Variants in NEGR1 observed in about 807,000 individuals in gnomAD.
NEGR1 encodes neuronal growth regulator 1, also known as IgLON family member 4.
In NEGR1, 10 loss-of-function variants were observed where a neutral mutation model predicts 40.9. That is an observed-to-expected ratio of 0.24 (90% CI 0.15 to 0.42). The LOEUF (loss-of-function observed/expected upper bound fraction) is 0.42. NEGR1 is among the 10% of genes least tolerant of loss of function. NEGR1 has a pLI of 1.00. For synonymous variants in NEGR1, 185 were observed against 166.8 expected (o/e 1.11, Z -0.84); for missense variants, 352 against 438.9 (o/e 0.80, Z 1.77).
chr1:71,818,264 G>T (rs1256427902), intron 2 of NEGR1, among the ~76,000 whole-genome samples: 1 of 151,898 alleles, frequency 6.6e-6, no homozygotes, highest in African/African-American at 2.4e-5. Flanking sequence ...ATTCACAATT[G>T]CAAAGACAAG....
At chr1:72,071,094 T>C (rs2100510177) in intron 1 of NEGR1, among the ~76,000 whole-genome samples, 1 of 151,964 alleles carries the variant, frequency 6.6e-6, no homozygotes, top group African/African-American at 2.4e-5. Flanking sequence ...TTCTCAAAGT[T>C]CTCATCAGCA....
chr1:71,624,131 G>A (rs551569567), intron 4 of NEGR1, among the ~76,000 whole-genome samples: 2 of 151,852 alleles, frequency 1.3e-5, no homozygotes, highest in Non-Finnish European at 2.9e-5. Context: ...ATCCTGCAAA[G>A]CTTATCTGTG....
At chr1:72,159,803 A>T (rs1207662428) in intron 1 of NEGR1, among the ~76,000 whole-genome samples, 4 of 152,184 alleles carry the variant, frequency 2.6e-5, no homozygotes, top group Non-Finnish European at 5.9e-5. Context: ...CACAAATCTT[A>T]TGTATAGAAG....
At chr1:72,174,071 T>A (rs1250839693) in intron 1 of NEGR1, among the ~76,000 whole-genome samples, 1 of 152,158 alleles carries the variant, frequency 6.6e-6, no homozygotes, top group Non-Finnish European at 1.5e-5. Flanking sequence ...AACATGGACA[T>A]CCCAATCGTT....
rs531040833 is a variant in NEGR1 at position 72,114,276 on chromosome 1, A to T, written c.176+168043T>A. Among the ~76,000 whole-genome samples the T allele has an allele frequency of 5.3e-5, 8 of 151,676 alleles. No individual in the cohort carries two copies. The South Asian group carries it at 1.5e-3, about 28-fold the overall frequency. On this transcript the variant is annotated intron_variant, in intron 1 of 6. Coordinates refer to ENST00000357731, the MANE Select transcript of NEGR1 (RefSeq NM_173808.3). ...AATGGGTTAAAGGCCTTAATAGAAC[A>T]AAGACTGATCTCCCTCCCCATCACC...
intron 1 of NEGR1, among the ~76,000 whole-genome samples, chr1:72,131,051 T>C (rs1413711722): frequency 6.6e-6 from 1 of 152,190 alleles, no homozygotes; most frequent in Non-Finnish European, 1.5e-5. Flanking sequence ...TGTAAGGTCA[T>C]ATTTATATCC....
intron 4 of NEGR1, among the ~76,000 whole-genome samples, chr1:71,652,716 T>A (rs1651757600): frequency 6.6e-6 from 1 of 151,932 alleles, no homozygotes; most frequent in Admixed American, 6.6e-5. Flanking sequence ...AATTCTAAAA[T>A]TAACCAGGTG....
At chr1:71,843,069 C>T (rs956917074) in intron 2 of NEGR1, among the ~76,000 whole-genome samples, 1 of 152,134 alleles carries the variant, frequency 6.6e-6, no homozygotes, top group African/African-American at 2.4e-5. Flanking sequence ...GTAATCATGG[C>T]ATTGCCTCAA....
intron 1 of NEGR1, among the ~76,000 whole-genome samples, chr1:71,965,618 T>C (rs1646203962): frequency 6.6e-6 from 1 of 152,202 alleles, no homozygotes; most frequent in African/African-American, 2.4e-5. Context: ...TTTGCACCTC[T>C]ACCAATTTTC....
At chr1:72,229,629 G>T (rs1654296769) in intron 1 of NEGR1, among the ~76,000 whole-genome samples, 1 of 151,008 alleles carries the variant, frequency 6.6e-6, no homozygotes, top group South Asian at 2.1e-4. Flanking sequence ...TCATGCTTAT[G>T]GTAATCAATA....
intron 2 of NEGR1, among the ~76,000 whole-genome samples, chr1:71,930,926 C>T (rs997622584): frequency 3.9e-5 from 6 of 152,154 alleles, no homozygotes; most frequent in Non-Finnish European, 5.9e-5. Flanking sequence ...GGTCTTTATA[C>T]TCCTTGCCTC....
At chr1:71,904,510 T>A (rs1418073273) in intron 2 of NEGR1, among the ~76,000 whole-genome samples, 1 of 152,128 alleles carries the variant, frequency 6.6e-6, no homozygotes, top group Non-Finnish European at 1.5e-5. Context: ...TTCCTTAAAC[T>A]TTTAAACACT....
intron 1 of NEGR1, among the ~76,000 whole-genome samples, chr1:72,122,439 C>T (rs1649838520): frequency 6.6e-6 from 1 of 151,886 alleles, no homozygotes; most frequent in African/African-American, 2.4e-5. Context: ...ATTCCCAATC[C>T]ATTTAGTAAC....
intron 2 of NEGR1, among the ~76,000 whole-genome samples, chr1:71,804,960 A>T (rs1320637160): frequency 3.3e-5 from 5 of 152,174 alleles, no homozygotes; most frequent in African/African-American, 1.2e-4. Flanking sequence ...TTTTCTCAGC[A>T]AGGAACATCC....
intron 6 of NEGR1, among the ~76,000 whole-genome samples, chr1:71,502,673 T>C (rs1647006950): frequency 6.6e-6 from 1 of 152,076 alleles, no homozygotes; most frequent in Admixed American, 6.5e-5. Flanking sequence ...CCTGAAACTG[T>C]TATTCAGGAG....
chr1:71,533,269 G>T (rs972242969), intron 6 of NEGR1, among the ~76,000 whole-genome samples: 15 of 151,546 alleles, frequency 9.9e-5, no homozygotes, highest in African/African-American at 3.4e-4. Flanking sequence ...CCTACATGTA[G>T]AATGTCTTCC....
At chr1:71,658,710 C>A (rs895695994) in intron 4 of NEGR1, among the ~76,000 whole-genome samples, 3 of 152,122 alleles carry the variant, frequency 2.0e-5, no homozygotes, top group Non-Finnish European at 4.4e-5. Context: ...AACAGAGTTT[C>A]TGAAAGTATA....
At chr1:72,046,177 T>C (rs1647000366) in intron 1 of NEGR1, among the ~76,000 whole-genome samples, 1 of 151,586 alleles carries the variant, frequency 6.6e-6, no homozygotes, top group Admixed American at 6.6e-5. Flanking sequence ...CAAATATGAA[T>C]GTCCTATAAT....
At chr1:71,456,684 A>C (rs944622212) in intron 6 of NEGR1, among the ~76,000 whole-genome samples, 2 of 152,254 alleles carry the variant, frequency 1.3e-5, no homozygotes, top group African/African-American at 4.8e-5. Flanking sequence ...TCAGACGCAA[A>C]GAAAATTCAA....
Sources: allele counts gnomAD v4.1 joint callset (sites outside exome capture counted in the v4.1 genomes callset), GRCh38; gene constraint gnomAD v4.1.1; transcripts MANE v1.5; gene names NCBI Gene and HGNC (gene_info 2026-07-23, HGNC 2026-07-21).